SCN7A: variants seen among roughly 807,000 people sequenced by gnomAD.
SCN7A encodes the protein sodium channel protein type 7 subunit alpha.
SCN7A carries 138 observed loss-of-function variants against 155.2 expected under a neutral mutation model. The observed-to-expected ratio is 0.89, with a 90% CI of 0.77 to 1.02. The LOEUF (loss-of-function observed/expected upper bound fraction) is 1.02. Ranked by LOEUF, SCN7A falls within the 50% of genes least tolerant of loss-of-function variation. The pLI, the probability that SCN7A is intolerant of heterozygous loss-of-function variation, is 0.00. For missense variants in SCN7A, 2,058 were observed against 1,986.6 expected, an observed-to-expected ratio of 1.04 and a Z score of -0.68; for synonymous variants, 693 against 649.0, an observed-to-expected ratio of 1.07 and a Z score of -1.03.
rs545438455 is a variant in SCN7A at position 166,409,212 on chromosome 2, A to G, written c.3982+453T>C. On this transcript the variant is annotated intron_variant, in intron 25 of 25. Coordinates refer to ENST00000643258, the MANE Select transcript of SCN7A (RefSeq NM_002976.4). ...TAAATAAGAGAGAGATCTCCAAAGT[A>G]AGAGAAAACAAGCAACAAATTTGTT... 9.2e-5 allele frequency among the ~76,000 whole-genome samples: 14 copies of G among 152,192 alleles called. 1 individual carries two copies. The South Asian group carries it at 2.9e-3, about 31-fold the overall frequency.
chr2:166,407,286 G>A (rs181131183), intron 25 of SCN7A, among the ~76,000 whole-genome samples: 139 of 152,090 alleles, frequency 9.1e-4, no homozygotes, highest in South Asian at 3.7e-3. Flanking sequence ...AGCTGTGGTA[G>A]TTAGATGAGG....
At chr2:166,451,410 G>T (rs79789515) in intron 11 of SCN7A, among the ~76,000 whole-genome samples, 2,368 of 152,258 alleles carry the variant, frequency 0.016, 77 homozygotes, top group East Asian at 0.12. Flanking sequence ...TTCCTCTGTG[G>T]ATATTTAAGA....
chr2:166,407,653 C>G (rs1701104033), intron 25 of SCN7A, among the ~76,000 whole-genome samples: 1 of 151,932 alleles, frequency 6.6e-6, no homozygotes, highest in South Asian at 2.1e-4. Context: ...GGAAGTATCA[C>G]TAAATTGTGA....
chr2:166,490,643 A>G (rs1683075651), intron 1 of SCN7A, among the ~76,000 whole-genome samples: 1 of 152,166 alleles, frequency 6.6e-6, no homozygotes. Flanking sequence ...TATTTGGATT[A>G]TAATTCTTAA....
chr2:166,481,884 A>C (rs995828413), intron 2 of SCN7A, among the ~76,000 whole-genome samples: 1 of 152,172 alleles, frequency 6.6e-6, no homozygotes, highest in Non-Finnish European at 1.5e-5. Flanking sequence ...GATGAACTAG[A>C]ATCAATGAGG....
intron 10 of SCN7A, among the ~76,000 whole-genome samples, chr2:166,459,867 A>T (rs1702363814): frequency 6.6e-6 from 1 of 152,202 alleles, no homozygotes; most frequent in Non-Finnish European, 1.5e-5. Flanking sequence ...TCAGCAAACT[A>T]ACACAAGAAC....
At chr2:166,490,055 A>G (rs923232318) in intron 1 of SCN7A, among the ~76,000 whole-genome samples, 3 of 152,050 alleles carry the variant, frequency 2.0e-5, no homozygotes, top group Non-Finnish European at 4.4e-5. Context: ...TGATTATATC[A>G]AGCTAATTAA....
intron 12 of SCN7A, among the ~76,000 whole-genome samples, chr2:166,447,332 T>C (rs1457307804): frequency 6.6e-6 from 1 of 152,172 alleles, no homozygotes; most frequent in Non-Finnish European, 1.5e-5. Flanking sequence ...GATATTAATG[T>C]TATATACCAC....
rs117306770 is a variant in SCN7A at position 166,423,252 on chromosome 2, T to C, written c.3027+7A>G. On this transcript the variant is annotated splice_region_variant and intron_variant, in intron 19 of 25. Transcript: ENST00000643258. ...AAATAGCCTTTCATTTTCTTTAAAATACGTACAATAACAACCACGAAGTCC... is the reference window on the plus strand; with the variant it reads ...AAATAGCCTTTCATTTTCTTTAAAACACGTACAATAACAACCACGAAGTCC... 6.6e-4 allele frequency: 1,051 copies of C among 1,595,392 alleles called. 13 individuals carry two copies. In the East Asian group the frequency reaches 0.021, roughly 32 times the overall value.
rs1701037647 is a variant in SCN7A, at chr2:166,405,114, T to C, written c.*466A>G. The C allele has an allele frequency of 6.5e-6, 1 of 152,770 alleles. No individual in the cohort carries two copies. The highest frequency in any genetic ancestry group is 2.4e-5 in the African/African-American group (1 of 41,454). The allele number at this position is 152,770 out of a possible 1,614,324, so 9.5% of individuals were successfully genotyped here. ...GAACTGCTCTCTCCCTTCTTCCAAT[T>C]GGCTTTTGTCTAGGCAAGTTTATGA... On this transcript the variant is annotated 3_prime_UTR_variant, in exon 26 of 26. Coordinates refer to ENST00000643258, the MANE Select transcript of SCN7A (RefSeq NM_002976.4).
At chr2:166,435,265 C>T (rs1050907895) in intron 15 of SCN7A, among the ~76,000 whole-genome samples, 4 of 151,974 alleles carry the variant, frequency 2.6e-5, no homozygotes, top group Admixed American at 6.6e-5. Context: ...GTGTAAGTGG[C>T]GCAAGTTACA....
intron 18 of SCN7A, among the ~76,000 whole-genome samples, chr2:166,424,134 C>G (rs1027150711): frequency 8.6e-5 from 13 of 151,932 alleles, no homozygotes; most frequent in Non-Finnish European, 1.3e-4. Flanking sequence ...ATTCTTAAAA[C>G]CTACTGTTAA....
In SCN7A at chr2:166,441,665, A is replaced by G. The variant is rs1442300770; in HGVS notation, c.1888T>C (p.Leu630=). 2 of 1,613,902 alleles carry G rather than the reference A, an allele frequency of 1.2e-6. No homozygotes were observed. The highest frequency in any genetic ancestry group is 1.7e-6 in the Non-Finnish European group (2 of 1,179,772). ...ATGAATGTGAACAACAACAGGACCA[A>G]GTCTTTCAGGGCCACCCATGAGTTA... is the stretch of plus-strand genomic sequence containing the variant. ...LSNSWVALKD[L]VLLLFTFIFF... Residue 630 remains leucine (L), a synonymous_variant, in exon 15 of 26, where the codon TTG becomes CTG. Coordinates refer to ENST00000643258, the MANE Select transcript of SCN7A (RefSeq NM_002976.4).
intron 7 of SCN7A, 66 bp downstream of exon 7, chr2:166,470,549 G>T: frequency 3.0e-6 from 4 of 1,352,218 alleles, no homozygotes; most frequent in Non-Finnish European, 4.1e-6. Flanking sequence ...CAACAGGGAA[G>T]TTCAAGTGAA....
At chr2:166,468,268 G>A (rs1702579298) in intron 7 of SCN7A, among the ~76,000 whole-genome samples, 1 of 151,922 alleles carries the variant, frequency 6.6e-6, no homozygotes, top group Non-Finnish European at 1.5e-5. Context: ...CCTTACAAGG[G>A]CTTGCCAGGA....
chr2:166,466,050 C>T (rs1450633265), intron 7 of SCN7A, 63 bp from the exon 8 acceptor site: 3 of 1,180,576 alleles, frequency 2.5e-6, no homozygotes, highest in Non-Finnish European at 2.4e-6. Context: ...TATTGGCAAA[C>T]CTCTCCCACA....
chr2:166,462,627 A>G, intron 9 of SCN7A, 97 bp from the exon 10 acceptor site: 1 of 1,117,066 alleles, frequency 9.0e-7, no homozygotes, highest in Non-Finnish European at 1.3e-6. Context: ...GTAATAGAGA[A>G]CTCACGCTTC....
chr2:166,466,003 T>C lies in SCN7A; in HGVS notation c.665-16A>G, dbSNP rs1423757329. On this transcript the variant is annotated splice_polypyrimidine_tract_variant and intron_variant, in intron 7 of 25. Transcript: ENST00000643258. ...GATTTCAGACCTGGAAAGAGAAACA[T>C]TTGTTTTCGAAATAATGTAATATCT... 2 of 1,580,864 alleles carry C rather than the reference T, an allele frequency of 1.3e-6. No individual in the cohort carries two copies. The highest frequency in any genetic ancestry group is 1.7e-6 in the Non-Finnish European group (2 of 1,160,142).
At chr2:166,437,343 C>T (rs10180790) in intron 15 of SCN7A, among the ~76,000 whole-genome samples, 62,847 of 152,068 alleles carry the variant, frequency 0.41, 13,956 homozygotes, top group African/African-American at 0.58. Context: ...AAGTCAAGAA[C>T]TGAGATTTGG....
Sources: gnomAD v4.1 joint callset for allele counts (sites outside exome capture counted in the v4.1 genomes callset) on GRCh38, gnomAD v4.1.1 for gene constraint, MANE v1.5 for transcripts, NCBI Gene and HGNC (gene_info 2026-07-23, HGNC 2026-07-21) for gene names.